PALM2AKAP2: variants seen among roughly 807,000 people sequenced by gnomAD.
The protein encoded by PALM2AKAP2 is PALM2-AKAP2 fusion protein.
PALM2AKAP2 carries 37 observed loss-of-function variants against 71.5 expected under a neutral mutation model. The observed-to-expected ratio is 0.52, with a 90% CI of 0.40 to 0.68. The LOEUF is 0.68. Among genes scored for constraint, PALM2AKAP2 ranks in the 30% least tolerant of loss-of-function variants. The pLI is 0.00. For missense variants in PALM2AKAP2, 1,224 were observed against 1,191.8 expected, an observed-to-expected ratio of 1.03 and a Z score of -0.40; for synonymous variants, 468 against 478.8, an observed-to-expected ratio of 0.98 and a Z score of 0.29.
At chr9:110,086,462 G>A (rs1834576606) in intron 1 of PALM2AKAP2, among the ~76,000 whole-genome samples, 1 of 152,192 alleles carries the variant, frequency 6.6e-6, no homozygotes, top group Admixed American at 6.5e-5. Flanking sequence ...CCTACATAGA[G>A]GCAATTCCTT....
chr9:110,125,969 A>G (rs1835595996), intron 1 of PALM2AKAP2, among the ~76,000 whole-genome samples: 1 of 152,038 alleles, frequency 6.6e-6, no homozygotes, highest in Non-Finnish European at 1.5e-5. Flanking sequence ...TGACTCGGTG[A>G]TTCTGTCGCC....
intron 1 of PALM2AKAP2, among the ~76,000 whole-genome samples, chr9:109,838,117 T>A (rs10759377): frequency 0.83 from 126,039 of 152,174 alleles, 52,631 homozygotes; most frequent in African/African-American, 0.95. Context: ...ACTTGACCAC[T>A]TGGTTGGAAG....
Position 109,696,681 on chromosome 9 carries a change from A to G in PALM2AKAP2, c.5+55815A>G, listed in dbSNP as rs578116569. On this transcript the variant is annotated intron_variant, in intron 1 of 6. Transcript: ENST00000374531. ...AAAATTGGAAAGGACCTAATATCCA[A>G]TGTGGTGTTCCACCTGCATCCCCTT... 4.6e-5 allele frequency among the ~76,000 whole-genome samples: 7 copies of G among 152,280 alleles called. No individual in the cohort carries two copies. The South Asian group carries it at 6.2e-4, about 14-fold the overall frequency.
At chr9:109,668,858 G>C (rs1171859949) in intron 1 of PALM2AKAP2, among the ~76,000 whole-genome samples, 2 of 152,200 alleles carry the variant, frequency 1.3e-5, no homozygotes, top group Non-Finnish European at 2.9e-5. Flanking sequence ...CTTAAGACCT[G>C]TCCCTAGACC....
chr9:110,034,437 C>T (rs1317472682), intron 7 of PALM2AKAP2, among the ~76,000 whole-genome samples: 6 of 151,914 alleles, frequency 3.9e-5, no homozygotes, highest in South Asian at 2.1e-4. Context: ...GGATTACAGG[C>T]GTGAACCACC....
chr9:110,052,006 C>T (rs554846603), intron 1 of PALM2AKAP2, among the ~76,000 whole-genome samples: 4 of 152,012 alleles, frequency 2.6e-5, no homozygotes, highest in African/African-American at 9.7e-5. Flanking sequence ...CGGTTCACAT[C>T]ATTCTCCTGC....
intron 1 of PALM2AKAP2, among the ~76,000 whole-genome samples, chr9:109,684,778 A>G (rs1827785325): frequency 1.3e-5 from 2 of 152,242 alleles, no homozygotes. Flanking sequence ...TACTATATGA[A>G]CTAGCAATTC....
chr9:110,097,198 T>C (rs1427772509), intron 1 of PALM2AKAP2, among the ~76,000 whole-genome samples: 4 of 150,924 alleles, frequency 2.7e-5, no homozygotes, highest in Non-Finnish European at 5.9e-5. Flanking sequence ...ACAAAGCACA[T>C]CTTGCACCGC....
At chr9:109,957,221 T>C (rs898345274) in intron 6 of PALM2AKAP2, among the ~76,000 whole-genome samples, 9 of 152,344 alleles carry the variant, frequency 5.9e-5, no homozygotes, top group Admixed American at 1.3e-4. Context: ...CTAGATCTGA[T>C]TGGGCTCTTG....
chr9:110,101,997 A>G, intron 1 of PALM2AKAP2, among the ~76,000 whole-genome samples: 1 of 152,096 alleles, frequency 6.6e-6, no homozygotes, highest in East Asian at 1.9e-4. Context: ...TGCATATGTG[A>G]TCTCATTTAG....
intron 6 of PALM2AKAP2, among the ~76,000 whole-genome samples, chr9:109,976,761 G>T (rs1049701151): frequency 6.6e-6 from 1 of 152,126 alleles, no homozygotes; most frequent in Non-Finnish European, 1.5e-5. Context: ...ATAAACCTGA[G>T]AAATGGGCAC....
chr9:109,807,916 T>A, intron 1 of PALM2AKAP2, among the ~76,000 whole-genome samples: 1 of 152,264 alleles, frequency 6.6e-6, no homozygotes, highest in South Asian at 2.1e-4. Context: ...ATAAGGGGCT[T>A]TTTCCTGTTT....
In PALM2AKAP2 at chr9:109,969,088, GCACACACACA is replaced by G. The variant is rs34057385; in HGVS notation, c.496+37076_496+37085del. ...TTCCTGCACCTCTACAAATGTGCGT[GCACACACACA>G]CACACACACACACACGACTCCCAGA... On this transcript the variant is annotated intron_variant, in intron 6 of 9. Coordinates refer to the PALM2AKAP2 transcript ENST00000302798. Among the ~76,000 whole-genome samples the G allele has an allele frequency of 1.1e-4, 16 of 149,704 alleles. No individual in the cohort carries two copies. In the East Asian group the frequency reaches 2.0e-3, roughly 18 times the overall value.
At position 109,925,008 on chromosome 9, in the gene PALM2AKAP2, G is replaced by A. The variant is rs1830920378; in HGVS notation, c.373-53G>A. ...AAGTCTTTAAAGATGGGAAAAGATG[G>A]GATTGTACCCCCACATGTAGAGTAA... On this transcript the variant is annotated intron_variant, in intron 4 of 9. Coordinates refer to the PALM2AKAP2 transcript ENST00000302798. 3.1e-6 allele frequency: 5 copies of A among 1,612,852 alleles called. No homozygotes were observed. The South Asian group carries it at 4.4e-5, about 14-fold the overall frequency.
intron 6 of PALM2AKAP2, among the ~76,000 whole-genome samples, chr9:109,982,278 A>G (rs1832285975): frequency 6.6e-6 from 1 of 152,200 alleles, no homozygotes; most frequent in Non-Finnish European, 1.5e-5. Flanking sequence ...CATAGAGAGT[A>G]GAAGGATGGT....
chr9:109,691,563 C>A (rs1254583870), intron 1 of PALM2AKAP2, among the ~76,000 whole-genome samples: 1 of 151,802 alleles, frequency 6.6e-6, no homozygotes, highest in African/African-American at 2.4e-5. Context: ...TTAGAAAACT[C>A]TTATATCAAA....
In PALM2AKAP2 at chr9:110,025,372, T is replaced by A; in HGVS notation, c.582+9333T>A. 3.1e-6 allele frequency: 3 copies of A among 961,954 alleles called. No individual in the cohort carries two copies. The South Asian group carries it at 3.9e-5, about 12-fold the overall frequency. 59.6% of individuals were successfully genotyped at this position (961,954 alleles called of 1,614,324 possible). A position where few individuals can be genotyped will look rare whatever the true frequency, so the allele number is the denominator to read the frequency against. ...TGTGTTCGTCATTTTGGCGAATTAC[T>A]GGAAGATGGAGGTTCCGCCCGAAAG... On this transcript the variant is annotated intron_variant, in intron 7 of 9. Transcript: ENST00000302798.
At chr9:109,775,176 C>A (rs1829330478) in intron 1 of PALM2AKAP2, among the ~76,000 whole-genome samples, 6 of 152,168 alleles carry the variant, frequency 3.9e-5, no homozygotes, top group Admixed American at 3.9e-4. Flanking sequence ...CTTATCTACC[C>A]AGTTTCCTCT....
chr9:110,153,765 C>G (rs1564337559), intron 2 of PALM2AKAP2, among the ~76,000 whole-genome samples: 1 of 152,164 alleles, frequency 6.6e-6, no homozygotes, highest in Non-Finnish European at 1.5e-5. Context: ...TGAAACATAC[C>G]CCCCTGTCCT....
Sources: gnomAD v4.1 joint callset for allele counts (sites outside exome capture counted in the v4.1 genomes callset) on GRCh38, gnomAD v4.1.1 for gene constraint, MANE v1.5 for transcripts, NCBI Gene and HGNC (gene_info 2026-07-23, HGNC 2026-07-21) for gene names.